Variants in KLHL21 observed in about 807,000 individuals in gnomAD.
KLHL21 encodes kelch-like protein 21.
KLHL21 carries 42 observed loss-of-function variants against 44.1 expected under a neutral mutation model. That is an observed-to-expected ratio of 0.95 (90% CI 0.74 to 1.23). The LOEUF (loss-of-function observed/expected upper bound fraction) is 1.23. Ranked by LOEUF, KLHL21 falls within the 50% of genes most tolerant of loss-of-function variation. The pLI is 0.00. For missense variants in KLHL21, 918 were observed against 889.1 expected, an observed-to-expected ratio of 1.03 and a Z score of -0.41; for synonymous variants, 524 against 411.6, an observed-to-expected ratio of 1.27 and a Z score of -3.31.
At chr1:6,595,136 G>T in intron 3 of KLHL21, 1 of 536,612 alleles carries the variant, frequency 1.9e-6, no homozygotes, top group Non-Finnish European at 3.3e-6. Flanking sequence ...CTAAGAACAC[G>T]CCAGGGTGCC....
chr1:6,596,478 G>C (rs958309754), intron 2 of KLHL21, among the ~76,000 whole-genome samples: 4 of 152,208 alleles, frequency 2.6e-5, no homozygotes, highest in Non-Finnish European at 5.9e-5. Context: ...ACAAACAACA[G>C]TAGTTGTGAA....
Position 6,593,481 on chromosome 1 carries a change from G to A in KLHL21, c.1678C>T (p.Arg560Cys), listed in dbSNP as rs775569282. ...GAGAAGGTCTGGGGCATGAACTGGC[G>A]GAAGATGCTGACACTGCCATGCCAG... Reference protein sequence around the residue: ...TFWHGSVSIFRQFMPQTFSGG... With the variant: ...TFWHGSVSIFCQFMPQTFSGG... The change falls in exon 4 of 4, where the codon CGC becomes TGC. Residue 560 changes from arginine to cysteine, a missense_variant. Physicochemically the swap from Arg to Cys is radical, Grantham distance 180 (BLOSUM62 -3). Transcript: ENST00000377658. The A allele has an allele frequency of 3.0e-5, 48 of 1,613,702 alleles. No individual in the cohort carries two copies. The highest frequency in any genetic ancestry group is 3.5e-5 in the Non-Finnish European group (41 of 1,180,018).
At chr1:6,595,641 G>T in intron 2 of KLHL21, 84 bp from the exon 3 acceptor site, 1 of 1,128,984 alleles carries the variant, frequency 8.9e-7, no homozygotes, top group Non-Finnish European at 1.3e-6. Context: ...TCCTCCCCTG[G>T]GTCACTGACT....
intron 2 of KLHL21, among the ~76,000 whole-genome samples, chr1:6,595,850 C>A (rs1182078905): frequency 9.2e-5 from 14 of 152,320 alleles, no homozygotes; most frequent in East Asian, 1.9e-4. Context: ...TCACCCAGTA[C>A]CAAGGTGGCT....
In KLHL21 at chr1:6,602,847, G is replaced by C. The variant is rs1242458426; in HGVS notation, c.-30C>G. On this transcript the variant is annotated 5_prime_UTR_variant, in exon 1 of 4. Transcript: ENST00000377658. ...CCTTCGATAGGTTGTCGAGGACGCC[G>C]CGGCCGGGGCCTGCGGAGAGACGCG... The C allele has an allele frequency of 2.1e-6, 3 of 1,397,094 alleles. No homozygotes were observed. Among genetic ancestry groups the C allele is most frequent in the South Asian group, 3.1e-5 (2 of 64,336 alleles). The allele number at this position is 1,397,094 out of a possible 1,614,324, so 86.5% of individuals were successfully genotyped here. A position where few individuals can be genotyped will look rare whatever the true frequency, so the allele number is the denominator to read the frequency against.
intron 3 of KLHL21, chr1:6,594,529 C>T (rs140688679): frequency 0.026 from 3,921 of 152,234 alleles, 92 homozygotes; most frequent in East Asian, 0.086. Context: ...AGTGAAATCC[C>T]GTCTCTACTA....
chr1:6,599,402 T>A lies in KLHL21; in HGVS notation c.1072A>T (p.Ser358Cys), dbSNP rs1309085431. Residue 358 changes from serine (S) to cysteine (C), a missense_variant, in exon 2 of 4, where the codon AGC becomes TGC. Coordinates refer to ENST00000377658, the MANE Select transcript of KLHL21 (RefSeq NM_014851.4). ...LYDCVWRYNS[S>C]VNEWAEVAPM... is the part of the protein sequence containing the mutation. ...GCCACCTCCGCCCACTCATTCACGC[T>A]TGAGTTGTACCTCCACACGCAGTCA... The A allele has an allele frequency of 6.2e-7, 1 of 1,613,262 alleles. No homozygotes were observed. Among genetic ancestry groups the A allele is most frequent in the African/African-American group, 1.3e-5 (1 of 74,900 alleles).
In KLHL21 at chr1:6,595,953, C is replaced by T. The variant is rs147385299; in HGVS notation, c.1428-396G>A. ...CATCCCCACAGGCCCTGGAACACTCCTTGCCACTGTCCCCAATATCACTAT... is the reference window on the plus strand; with the variant it reads ...CATCCCCACAGGCCCTGGAACACTCTTTGCCACTGTCCCCAATATCACTAT... On this transcript the variant is annotated intron_variant, in intron 2 of 3. Transcript: ENST00000377658. 3.0e-3 allele frequency among the ~76,000 whole-genome samples: 453 copies of T among 152,354 alleles called. 3 individuals are homozygous for T. The highest frequency in any genetic ancestry group is 0.01 in the Middle Eastern group (3 of 294).
Position 6,599,058 on chromosome 1 carries a change from C to T in KLHL21, c.1416G>A (p.Met472Ile), listed in dbSNP as rs751107583. The change falls in exon 2 of 4, where the codon ATG (methionine) becomes ATA (isoleucine). Residue 472 changes from methionine to isoleucine, a missense_variant. Transcript: ENST00000377658. ...CACCTGGAACTCACCTGACAAAGTA[C>T]ATGAGTCCGTTTAGAGTCGCAGTCT... is the stretch of plus-strand genomic sequence containing the variant. ...APKTATLNGL[M>I]YFVRDDSAEV... 5 of 1,587,702 alleles carry T rather than the reference C, an allele frequency of 3.1e-6. No homozygotes were observed. The African/African-American group carries it at 6.7e-5, about 21-fold the overall frequency.
At chr1:6,599,702 G>A in intron 1 of KLHL21, 1 of 542,852 alleles carries the variant, frequency 1.8e-6, no homozygotes, top group South Asian at 2.3e-5. Flanking sequence ...TGCAATGCTG[G>A]AAGAATCCAG....
intron 2 of KLHL21, among the ~76,000 whole-genome samples, chr1:6,597,179 A>T (rs1352072806): frequency 6.6e-6 from 1 of 151,450 alleles, no homozygotes; most frequent in Non-Finnish European, 1.5e-5. Context: ...CTCCTCCCAC[A>T]CGTGCAAGTG....
chr1:6,593,665 G>A lies in KLHL21; in HGVS notation c.1501-7C>T. 1 of 1,563,404 alleles carries A rather than the reference G, an allele frequency of 6.4e-7. No individual in the cohort carries two copies. Among genetic ancestry groups the A allele is most frequent in the Non-Finnish European group, 8.7e-7 (1 of 1,151,946 alleles). On this transcript the variant is annotated splice_polypyrimidine_tract_variant and splice_region_variant and intron_variant, in intron 3 of 3. Transcript: ENST00000377658. ...GGCTGCCCCCCACATGTACCTGTGG[G>A]CCAAAGGGATGAGTGAGTGGAGGTC...
At chr1:6,597,898 G>T (rs1191357633) in intron 2 of KLHL21, among the ~76,000 whole-genome samples, 1 of 152,242 alleles carries the variant, frequency 6.6e-6, no homozygotes. Context: ...GGGAGGGGCT[G>T]CCCCGTGCCA....
chr1:6,591,727 G>GA lies in KLHL21; in HGVS notation c.*1637_*1638insT, dbSNP rs1405916603. 1.3e-5 allele frequency: 2 copies of GA among 152,972 alleles called. No individual in the cohort carries two copies. Among genetic ancestry groups the GA allele is most frequent in the Non-Finnish European group, 2.9e-5 (2 of 68,622 alleles). 9.5% of individuals were successfully genotyped at this position (152,972 alleles called of 1,614,324 possible). On this transcript the variant is annotated 3_prime_UTR_variant, in exon 4 of 4. Transcript: ENST00000377658. ...GTTTGCACAGACCAGGAGGGGCCAA[G>GA]GGGTAGCCCCAAGGGAGCAGAGGAA...
chr1:6,594,453 A>C (rs1475818211), intron 3 of KLHL21: 1 of 152,520 alleles, frequency 6.6e-6, no homozygotes, highest in Non-Finnish European at 1.5e-5. Flanking sequence ...CTGTAATCCC[A>C]GCACTTTGGG....
At position 6,595,620 on chromosome 1, in the gene KLHL21, C is replaced by G. The variant is rs973133342; in HGVS notation, c.1428-63G>C. Reference sequence around the variant, plus strand: ...GAGGAGGAAGTGCACACATGCAGGGCTGGAGCAGAGTCCTCCCCTGGGTCA... The same window carrying G: ...GAGGAGGAAGTGCACACATGCAGGGGTGGAGCAGAGTCCTCCCCTGGGTCA... On this transcript the variant is annotated intron_variant, in intron 2 of 3. Coordinates refer to ENST00000377658, the MANE Select transcript of KLHL21 (RefSeq NM_014851.4). 10 of 1,436,570 alleles carry G rather than the reference C, an allele frequency of 7.0e-6. No homozygotes were observed. The African/African-American group carries it at 1.3e-4, about 18-fold the overall frequency. 89.0% of individuals were successfully genotyped at this position (1,436,570 alleles called of 1,614,324 possible).
chr1:6,601,365 C>A (rs1419627078), intron 1 of KLHL21, among the ~76,000 whole-genome samples: 1 of 152,194 alleles, frequency 6.6e-6, no homozygotes, highest in Non-Finnish European at 1.5e-5. Context: ...AGTCAGGGGG[C>A]CCGGTGTGGC....
chr1:6,598,243 G>A (rs549349335), intron 2 of KLHL21, among the ~76,000 whole-genome samples: 2 of 152,132 alleles, frequency 1.3e-5, no homozygotes, highest in Non-Finnish European at 1.5e-5. Context: ...GAGACCAGCC[G>A]GGGCAATACA....
intron 3 of KLHL21, 100 bp from the exon 4 acceptor site, chr1:6,593,758 C>T: frequency 7.0e-7 from 1 of 1,432,764 alleles, no homozygotes; most frequent in Non-Finnish European, 9.2e-7. Context: ...TGTCAGTACC[C>T]CAGAGGGGTG....
Sources: gnomAD v4.1 joint callset for allele counts (sites outside exome capture counted in the v4.1 genomes callset) on GRCh38, gnomAD v4.1.1 for gene constraint, MANE v1.5 for transcripts, NCBI Gene and HGNC (gene_info 2026-07-23, HGNC 2026-07-21) for gene names.